Variants in CDKL4 observed in about 807,000 individuals in gnomAD.
CDKL4 encodes cyclin-dependent kinase-like 4.
CDKL4 carries 44 observed loss-of-function variants against 42.0 expected under a neutral mutation model. That is an observed-to-expected ratio of 1.05 (90% CI 0.82 to 1.35). The LOEUF is 1.35. CDKL4 is among the 40% of genes most tolerant of loss of function. CDKL4 has a pLI of 0.00. For synonymous variants in CDKL4, 120 were observed against 121.6 expected, an observed-to-expected ratio of 0.99 and a Z score of 0.09; for missense variants, 393 against 369.9, an observed-to-expected ratio of 1.06 and a Z score of -0.51.
intron 3 of CDKL4, among the ~76,000 whole-genome samples, chr2:39,223,040 T>A (rs1678474920): frequency 6.6e-6 from 1 of 152,182 alleles, no homozygotes; most frequent in Non-Finnish European, 1.5e-5. Context: ...AATTTTCAAT[T>A]ATACTTAACA....
At chr2:39,221,102 CTCCTGGG>C (rs1678334555) in intron 3 of CDKL4, among the ~76,000 whole-genome samples, 1 of 147,842 alleles carries the variant, frequency 6.8e-6, no homozygotes, top group Non-Finnish European at 1.5e-5. Flanking sequence ...CAATCTCCGT[CTCCTGGG>C]TTCACACCAT....
chr2:39,182,573 C>T lies in CDKL4; in HGVS notation c.792+2018G>A, dbSNP rs562264545. Among the ~76,000 whole-genome samples, 399 of 152,260 alleles carry T rather than the reference C, an allele frequency of 2.6e-3. 2 individuals carry two copies. Among genetic ancestry groups the T allele is most frequent in the Non-Finnish European group, 4.4e-3 (298 of 68,026 alleles). ...ATCAGAGGTGTTCCCTGTAGATGTG[C>T]TCCTAACCCAGAAAACATCTGGAAG... On this transcript the variant is annotated intron_variant, in intron 8 of 9. Coordinates refer to ENST00000451199, the Ensembl canonical transcript of CDKL4.
chr2:39,168,460 G>A, the CDKL4 span, among the ~76,000 whole-genome samples: 1 of 152,186 alleles, frequency 6.6e-6, no homozygotes, highest in Non-Finnish European at 1.5e-5. Flanking sequence ...GCCAGGCCAG[G>A]CGCGGTGGCT....
Position 39,190,522 on chromosome 2 carries a change from A to G in CDKL4, c.455-20T>C, listed in dbSNP as rs1212882194. On this transcript the variant is annotated intron_variant, in intron 5 of 9. Transcript: ENST00000451199. ...CTGGAACTGCAAATGCATCAATCAGATCAGGTAAGTCAATTCTCCCAACAT... is the reference window on the plus strand; with the variant it reads ...CTGGAACTGCAAATGCATCAATCAGGTCAGGTAAGTCAATTCTCCCAACAT... 2 of 1,611,162 alleles carry G rather than the reference A, an allele frequency of 1.2e-6. No homozygotes were observed. Among genetic ancestry groups the G allele is most frequent in the South Asian group, 1.1e-5 (1 of 91,002 alleles).
At chr2:39,171,906 G>T (rs991002006), downstream of CDKL4, among the ~76,000 whole-genome samples, 1 of 152,196 alleles carries the variant, frequency 6.6e-6, no homozygotes, top group Non-Finnish European at 1.5e-5. Flanking sequence ...AAGTGAGACA[G>T]AACCCAGGTG....
At position 39,175,907 on chromosome 2, in the gene CDKL4, C is replaced by T. The variant is rs773920207; in HGVS notation, c.*88G>A. 2.4e-4 allele frequency: 99 copies of T among 404,878 alleles called. No individual in the cohort carries two copies. In the Admixed American group the frequency reaches 2.9e-3, roughly 12 times the overall value. 25.1% of individuals were successfully genotyped at this position (404,878 alleles called of 1,614,324 possible). A position where few individuals can be genotyped will look rare whatever the true frequency, so the allele number is the denominator to read the frequency against. On this transcript the variant is annotated 3_prime_UTR_variant, in exon 10 of 10. Transcript: ENST00000451199. Reference sequence around the variant, plus strand: ...AAGGCATCTTAATTTTCATATGGCTCATTTGCATTTGAAACACTGAGAATT... The same window carrying T: ...AAGGCATCTTAATTTTCATATGGCTTATTTGCATTTGAAACACTGAGAATT...
chr2:39,234,565 A>G (rs571038257), intron 1 of CDKL4, among the ~76,000 whole-genome samples: 1 of 152,198 alleles, frequency 6.6e-6, no homozygotes, highest in Non-Finnish European at 1.5e-5. Flanking sequence ...AATCCAATAA[A>G]ATTTTCTGGA....
chr2:39,175,980 T>C (rs962947393), exon 10 of CDKL4: 1 of 468,160 alleles, frequency 2.1e-6, no homozygotes, highest in Middle Eastern at 3.3e-4. Flanking sequence ...ACTTTGCACT[T>C]GAAAGAACAT....
chr2:39,241,661 T>G (rs1003970929), intron 1 of CDKL4, among the ~76,000 whole-genome samples: 1 of 152,232 alleles, frequency 6.6e-6, no homozygotes, highest in African/African-American at 2.4e-5. Flanking sequence ...CTGGAATGTC[T>G]GACCCTTAAA....
rs12233206 is a variant in CDKL4 at position 39,179,493 on chromosome 2, A to C, written c.793-172T>G. On this transcript the variant is annotated intron_variant, in intron 8 of 9. Transcript: ENST00000451199. ...AGCTAGGATTGCTCTTCTTTTTCCT[A>C]CTTCAAAGTCTTTTGAGGGCAGAAT... 6.6e-3 allele frequency among the ~76,000 whole-genome samples: 1,001 copies of C among 152,312 alleles called. 55 individuals are homozygous for C. In the East Asian group the frequency reaches 0.16, roughly 24 times the overall value.
chr2:39,205,469 G>C (rs1463432591), intron 4 of CDKL4, among the ~76,000 whole-genome samples: 6 of 152,042 alleles, frequency 3.9e-5, no homozygotes, highest in African/African-American at 1.4e-4. Context: ...AAGTGTGAAA[G>C]AGGGGCCTAT....
intron 1 of CDKL4, among the ~76,000 whole-genome samples, chr2:39,241,161 A>G (rs1031029522): frequency 1.3e-5 from 2 of 152,230 alleles, no homozygotes; most frequent in African/African-American, 4.8e-5. Flanking sequence ...ATTATATAAG[A>G]AAATGTCCTA....
At chr2:39,225,809 G>A in intron 3 of CDKL4, 30 bp downstream of exon 3, 4 of 1,582,312 alleles carry the variant, frequency 2.5e-6, no homozygotes, top group Non-Finnish European at 2.6e-6. Flanking sequence ...AGAACTGGCT[G>A]TACAGAATTT....
At chr2:39,203,379 G>A (rs1008770041) in intron 5 of CDKL4, among the ~76,000 whole-genome samples, 2 of 152,068 alleles carry the variant, frequency 1.3e-5, no homozygotes, top group African/African-American at 4.8e-5. Context: ...TGCTTGTAAT[G>A]GCGTATCTGT....
In CDKL4 at chr2:39,211,855, T is replaced by C. The variant is rs531695962; in HGVS notation, c.363+1545A>G. On this transcript the variant is annotated intron_variant, in intron 4 of 9. Transcript: ENST00000451199. ...TCGAAAGTGGGACAAGTGGATGCTA[T>C]ACACCTCATAATGGGGATGCGATAT... Among the ~76,000 whole-genome samples the C allele has an allele frequency of 2.6e-5, 4 of 152,218 alleles. No individual in the cohort carries two copies. In the East Asian group the frequency reaches 7.7e-4, roughly 29 times the overall value.
At chr2:39,229,624 TA>T in intron 1 of CDKL4, 36 bp from the exon 2 acceptor site, 1 of 1,001,002 alleles carries the variant, frequency 1.0e-6, no homozygotes, top group Non-Finnish European at 1.5e-6. Flanking sequence ...AATCAAGCTA[TA>T]AAAGACAATG....
intron 7 of CDKL4, among the ~76,000 whole-genome samples, chr2:39,185,380 ATATATACATG>A (rs1290231758): frequency 3.0e-4 from 5 of 16,482 alleles, no homozygotes; most frequent in East Asian, 1.3e-3. Context: ...ATACATATGT[ATATATACATG>A]TATATATACA....
At chr2:39,218,423 T>C (rs72921018) in intron 3 of CDKL4, among the ~76,000 whole-genome samples, 3,648 of 152,184 alleles carry the variant, frequency 0.024, 137 homozygotes, top group African/African-American at 0.083. Flanking sequence ...TGCTTGAGTT[T>C]GGGAGTTTGA....
chr2:39,219,903 G>A (rs538780898), intron 3 of CDKL4, among the ~76,000 whole-genome samples: 1 of 152,162 alleles, frequency 6.6e-6, no homozygotes. Flanking sequence ...CACAGGTTCA[G>A]AGCTTTAATA....
Sources: allele counts gnomAD v4.1 joint callset (sites outside exome capture counted in the v4.1 genomes callset), GRCh38; gene constraint gnomAD v4.1.1; transcripts MANE v1.5; gene names NCBI Gene and HGNC (gene_info 2026-07-23, HGNC 2026-07-21).